The following FOXP1 variants were observed in gnomAD, a reference collection of about 807,000 sequenced individuals.
The protein encoded by FOXP1 is forkhead box P1.
A neutral mutation model predicts 98.2 loss-of-function variants in FOXP1; 15 were observed. The ratio of observed to expected loss-of-function variants is 0.15; its 90% CI spans 0.10 to 0.24. FOXP1 has a LOEUF of 0.24. FOXP1 is among the 10% of genes least tolerant of loss of function. The probability of loss-of-function intolerance (pLI) is 1.00; values close to 1 mark genes in which losing one functional copy is unlikely to be tolerated. For synonymous variants in FOXP1, 371 were observed against 314.5 expected (o/e 1.18, Z -1.90); for missense variants, 633 against 848.5 (o/e 0.75, Z 3.15).
chr3:71,062,029 T>A (rs754997951), intron 7 of FOXP1, among the ~76,000 whole-genome samples: 2 of 152,164 alleles, frequency 1.3e-5, no homozygotes, highest in Non-Finnish European at 2.9e-5. Flanking sequence ...GGCTGAAAAG[T>A]TGTAGAACTG....
At chr3:71,112,438 T>C in intron 7 of FOXP1, 98 bp downstream of exon 7, 1 of 995,002 alleles carries the variant, frequency 1.0e-6, no homozygotes, top group East Asian at 2.4e-5. Context: ...GAAGATTTTC[T>C]TACATGATTT....
intron 13 of FOXP1, among the ~76,000 whole-genome samples, chr3:70,999,604 A>G (rs1408356148): frequency 6.6e-6 from 1 of 152,240 alleles, no homozygotes; most frequent in Non-Finnish European, 1.5e-5. Context: ...ATGGAAAAAT[A>G]TTAACTGGCT....
chr3:71,338,209 G>A (rs2076803901), intron 4 of FOXP1, among the ~76,000 whole-genome samples: 1 of 152,194 alleles, frequency 6.6e-6, no homozygotes, highest in South Asian at 2.1e-4. Flanking sequence ...AAAGAGCAGA[G>A]GGCCTAAAAA....
intron 7 of FOXP1, among the ~76,000 whole-genome samples, chr3:71,088,999 A>G (rs532484514): frequency 6.6e-6 from 1 of 152,288 alleles, no homozygotes; most frequent in South Asian, 2.1e-4. Flanking sequence ...TCCATCCAAC[A>G]TAGCTGAAGG....
intron 7 of FOXP1, among the ~76,000 whole-genome samples, chr3:71,072,801 T>C (rs1339331681): frequency 6.6e-6 from 1 of 152,212 alleles, no homozygotes; most frequent in Non-Finnish European, 1.5e-5. Context: ...AAATGAGTTT[T>C]AAGCATCAGG....
At chr3:71,065,557 AGT>A (rs562109543) in intron 7 of FOXP1, 98 of 152,332 alleles carry the variant, frequency 6.4e-4, no homozygotes, top group Admixed American at 6.3e-3. Flanking sequence ...GTCTCGCCAA[AGT>A]GTGCCAGTGC....
chr3:70,970,499 ATATTAAT>A, intron 19 of FOXP1: 1 of 528,110 alleles, frequency 1.9e-6, no homozygotes, highest in South Asian at 2.1e-5. Flanking sequence ...CTGCTGATAA[ATATTAAT>A]AAGTGAACTT....
At chr3:71,394,167 C>A (rs1204320383) in intron 3 of FOXP1, among the ~76,000 whole-genome samples, 2 of 152,212 alleles carry the variant, frequency 1.3e-5, no homozygotes, top group Non-Finnish European at 2.9e-5. Context: ...TTCATATGCA[C>A]CAGCCCAACT....
chr3:71,513,652 G>C (rs1346245282), intron 2 of FOXP1, among the ~76,000 whole-genome samples: 1 of 152,176 alleles, frequency 6.6e-6, no homozygotes, highest in Non-Finnish European at 1.5e-5. Context: ...GTAGCGCAAG[G>C]TGTGAAAGTT....
rs542764065 is a variant in FOXP1 at position 71,138,678 on chromosome 3, T to C, written c.181-26041A>G. On this transcript the variant is annotated intron_variant, in intron 6 of 20. Coordinates refer to ENST00000649528, the MANE Select transcript of FOXP1 (RefSeq NM_001349338.3). Reference sequence around the variant, plus strand: ...TGCAATGCTTGGAAAGTATACTCACTACCAAGGGCAAAGCTGCTATGCAGT... The same window carrying C: ...TGCAATGCTTGGAAAGTATACTCACCACCAAGGGCAAAGCTGCTATGCAGT... 8.4e-4 allele frequency among the ~76,000 whole-genome samples: 128 copies of C among 152,306 alleles called. 1 individual carries two copies. Among genetic ancestry groups the C allele is most frequent in the African/African-American group, 2.8e-3 (117 of 41,570 alleles).
At chr3:71,126,590 G>A (rs189927376) in intron 6 of FOXP1, among the ~76,000 whole-genome samples, 77 of 152,092 alleles carry the variant, frequency 5.1e-4, no homozygotes, top group Admixed American at 2.5e-3. Flanking sequence ...TTGGGAGGCC[G>A]AGGCAGGGAG....
At chr3:71,230,748 A>G (rs1257926994) in intron 5 of FOXP1, among the ~76,000 whole-genome samples, 1 of 150,934 alleles carries the variant, frequency 6.6e-6, no homozygotes, top group Admixed American at 6.5e-5. Flanking sequence ...AACTCTACAC[A>G]TGTTTTATTT....
intron 3 of FOXP1, among the ~76,000 whole-genome samples, chr3:71,445,033 C>T (rs928275408): frequency 6.6e-6 from 1 of 152,128 alleles, no homozygotes; most frequent in Non-Finnish European, 1.5e-5. Context: ...TCTTTCATTT[C>T]AATAACAGCA....
chr3:71,553,027 G>T (rs1482965140), intron 2 of FOXP1, among the ~76,000 whole-genome samples: 1 of 151,876 alleles, frequency 6.6e-6, no homozygotes, highest in Admixed American at 6.6e-5. Context: ...ATCCTTCAAA[G>T]TTGTATTTTA....
chr3:71,375,209 G>A (rs977971238), intron 3 of FOXP1, among the ~76,000 whole-genome samples: 6 of 152,190 alleles, frequency 3.9e-5, no homozygotes, highest in African/African-American at 1.4e-4. Flanking sequence ...AAACAGAAAA[G>A]AGCTTCTGAT....
At chr3:71,044,856 C>T (rs1464757027) in intron 10 of FOXP1, among the ~76,000 whole-genome samples, 1 of 152,162 alleles carries the variant, frequency 6.6e-6, no homozygotes, top group Non-Finnish European at 1.5e-5. Flanking sequence ...AGTTGATCAA[C>T]CTTTTTTTGT....
intron 2 of FOXP1, among the ~76,000 whole-genome samples, chr3:71,515,654 A>T (rs2042529613): frequency 6.6e-6 from 1 of 152,056 alleles, no homozygotes; most frequent in Admixed American, 6.6e-5. Flanking sequence ...AGAAAGGGAG[A>T]CTTTTGTGCT....
At chr3:71,508,263 T>G (rs2041967625) in intron 2 of FOXP1, among the ~76,000 whole-genome samples, 1 of 152,240 alleles carries the variant, frequency 6.6e-6, no homozygotes, top group Non-Finnish European at 1.5e-5. Context: ...TGATTTGGTT[T>G]TTAGATTCTT....
At chr3:71,536,716 T>C (rs1032257818) in intron 2 of FOXP1, among the ~76,000 whole-genome samples, 1 of 152,024 alleles carries the variant, frequency 6.6e-6, no homozygotes, top group African/African-American at 2.4e-5. Context: ...GCAGAGGCAT[T>C]ACAAAGGACT....
Sources: gnomAD v4.1 joint callset for allele counts (sites outside exome capture counted in the v4.1 genomes callset) on GRCh38, gnomAD v4.1.1 for gene constraint, MANE v1.5 for transcripts, NCBI Gene and HGNC (gene_info 2026-07-23, HGNC 2026-07-21) for gene names.